The following KCNH8 variants were observed in gnomAD, a reference collection of about 807,000 sequenced individuals.
KCNH8 encodes the protein voltage-gated delayed rectifier potassium channel KCNH8.
In KCNH8, 70 loss-of-function variants were observed where a neutral mutation model predicts 103.6. The ratio of observed to expected loss-of-function variants is 0.68; its 90% CI spans 0.56 to 0.82. The LOEUF (loss-of-function observed/expected upper bound fraction) is 0.82. Ranked by LOEUF, KCNH8 falls within the 40% of genes least tolerant of loss-of-function variation. The probability of loss-of-function intolerance (pLI) is 0.00; values close to 1 mark genes in which losing one functional copy is unlikely to be tolerated. For synonymous variants in KCNH8, 498 were observed against 489.4 expected, an observed-to-expected ratio of 1.02 and a Z score of -0.23; for missense variants, 1,217 against 1,329.9, an observed-to-expected ratio of 0.92 and a Z score of 1.32.
At chr3:19,353,663 G>A (rs914284238) in intron 5 of KCNH8, among the ~76,000 whole-genome samples, 5 of 152,060 alleles carry the variant, frequency 3.3e-5, no homozygotes, top group Admixed American at 3.3e-4. Context: ...TGCAGAAAAG[G>A]CCTTCGACAA....
intron 5 of KCNH8, among the ~76,000 whole-genome samples, chr3:19,386,091 T>TA (rs908372314): frequency 6.6e-6 from 1 of 152,188 alleles, no homozygotes; most frequent in African/African-American, 2.4e-5. Context: ...TCTAGTTACA[T>TA]AGTTCTTGAG....
intron 7 of KCNH8, among the ~76,000 whole-genome samples, chr3:19,405,308 C>G (rs2066674954): frequency 6.6e-6 from 1 of 151,646 alleles, no homozygotes; most frequent in Admixed American, 6.6e-5. Flanking sequence ...GTTTCAGTCA[C>G]TACTGTATAA....
chr3:19,371,150 G>C (rs1404883051), intron 5 of KCNH8, among the ~76,000 whole-genome samples: 5 of 143,198 alleles, frequency 3.5e-5, no homozygotes, highest in Non-Finnish European at 7.7e-5. Context: ...GGGTCAAATG[G>C]TATTTCTAGT....
At chr3:19,338,566 A>T (rs753288785) in intron 3 of KCNH8, among the ~76,000 whole-genome samples, 18 of 152,214 alleles carry the variant, frequency 1.2e-4, no homozygotes, top group Non-Finnish European at 2.4e-4. Context: ...AATCCAGTTT[A>T]AGAAATACAG....
intron 11 of KCNH8, among the ~76,000 whole-genome samples, chr3:19,497,411 T>C (rs868532242): frequency 3.3e-5 from 5 of 152,314 alleles, no homozygotes; most frequent in Middle Eastern, 6.8e-3. Flanking sequence ...TAACACCGCC[T>C]TAGCTGTGTC....
intron 1 of KCNH8, among the ~76,000 whole-genome samples, chr3:19,181,612 A>G (rs905104160): frequency 1.3e-5 from 2 of 152,228 alleles, no homozygotes; most frequent in Non-Finnish European, 2.9e-5. Flanking sequence ...ATAGATGAAT[A>G]TCTATAAATT....
At chr3:19,413,472 A>G (rs779809008) in intron 7 of KCNH8, among the ~76,000 whole-genome samples, 20 of 152,162 alleles carry the variant, frequency 1.3e-4, no homozygotes, top group Admixed American at 6.6e-4. Context: ...TCATACCTCA[A>G]ACCTCGGAGT....
intron 1 of KCNH8, among the ~76,000 whole-genome samples, chr3:19,179,847 C>G (rs540860156): frequency 2.6e-5 from 4 of 152,084 alleles, no homozygotes; most frequent in African/African-American, 7.2e-5. Flanking sequence ...AAATGACATT[C>G]GTGGTGGTTT....
chr3:19,373,496 CTCT>C (rs2066137126), intron 5 of KCNH8, among the ~76,000 whole-genome samples: 1 of 152,082 alleles, frequency 6.6e-6, no homozygotes, highest in Non-Finnish European at 1.5e-5. Flanking sequence ...TTTGATTCTT[CTCT>C]TTTTTTCTTT....
chr3:19,176,427 CAG>C (rs1343645462), intron 1 of KCNH8, among the ~76,000 whole-genome samples: 2 of 152,002 alleles, frequency 1.3e-5, no homozygotes, highest in Non-Finnish European at 2.9e-5. Flanking sequence ...ATTACCGAGA[CAG>C]AAAGTGTTGG....
intron 11 of KCNH8, among the ~76,000 whole-genome samples, chr3:19,493,539 T>A (rs1417702160): frequency 1.3e-5 from 2 of 152,124 alleles, no homozygotes; most frequent in Admixed American, 1.3e-4. Flanking sequence ...GATTGTAGGT[T>A]TTCTGAGGCC....
intron 11 of KCNH8, among the ~76,000 whole-genome samples, chr3:19,465,688 T>C (rs1210396170): frequency 6.6e-6 from 1 of 150,862 alleles, no homozygotes; most frequent in Non-Finnish European, 1.5e-5. Flanking sequence ...GCATTCTAGA[T>C]GCCATTAAGA....
chr3:19,477,237 C>G (rs1293842471), intron 11 of KCNH8, among the ~76,000 whole-genome samples: 1 of 152,074 alleles, frequency 6.6e-6, no homozygotes, highest in Non-Finnish European at 1.5e-5. Context: ...ATAATCATCA[C>G]CCAGCTAAAT....
intron 3 of KCNH8, among the ~76,000 whole-genome samples, chr3:19,318,425 C>T (rs1041468635): frequency 6.6e-5 from 10 of 151,590 alleles, no homozygotes; most frequent in African/African-American, 2.2e-4. Flanking sequence ...ATCCTTCACC[C>T]CCACACCCTG....
intron 1 of KCNH8, among the ~76,000 whole-genome samples, chr3:19,234,174 C>G (rs2064030535): frequency 6.6e-6 from 1 of 152,210 alleles, no homozygotes; most frequent in Admixed American, 6.5e-5. Context: ...GCGCTAGACA[C>G]AAAGGTTCTC....
In KCNH8 at chr3:19,262,570, C is replaced by T. The variant is rs1206727829; in HGVS notation, c.310+8683C>T. ...TGGCTGTTAGGTAATGGGCTCATAG[C>T]ATTGCATATGGAATGTTCTTCACTT... On this transcript the variant is annotated intron_variant, in intron 2 of 15. Coordinates refer to ENST00000328405, the MANE Select transcript of KCNH8 (RefSeq NM_144633.3). Among the ~76,000 whole-genome samples, 8 of 152,106 alleles carry T rather than the reference C, an allele frequency of 5.3e-5. No individual in the cohort carries two copies. The South Asian group carries it at 1.7e-3, about 32-fold the overall frequency.
rs1170312203 is a variant in KCNH8, at chr3:19,201,231, C to CAAAAAAAAAAAAAAAAAAAAAAAAAAAA, written c.77-52419_77-52392dup. Reference sequence around the variant, plus strand: ...TGGGTGAAGTAGCAAGACTCTGCCTCAAAAAAAAAAAAAAAAAAAAAAAAA... The same window carrying CAAAAAAAAAAAAAAAAAAAAAAAAAAAA: ...TGGGTGAAGTAGCAAGACTCTGCCTCAAAAAAAAAAAAAAAAAAAAAAAAAAAAAAAAAAAAAAAAAAAAAAAAAAAAA... On this transcript the variant is annotated intron_variant, in intron 1 of 15. Coordinates refer to ENST00000328405, the MANE Select transcript of KCNH8 (RefSeq NM_144633.3). Among the ~76,000 whole-genome samples the CAAAAAAAAAAAAAAAAAAAAAAAAAAAA allele has an allele frequency of 1.4e-4, 3 of 22,054 alleles. 1 individual carries two copies. The highest frequency in any genetic ancestry group is 3.6e-4 in the African/African-American group (2 of 5,600). 14.5% of individuals were successfully genotyped at this position (22,054 alleles called of 152,430 possible).
chr3:19,506,866 A>C (rs1489318107), intron 11 of KCNH8, among the ~76,000 whole-genome samples: 1 of 152,052 alleles, frequency 6.6e-6, no homozygotes, highest in East Asian at 1.9e-4. Context: ...GGGAGGGTAC[A>C]TAGGTCACAG....
Position 19,510,353 on chromosome 3 carries a change from G to C in KCNH8, c.2041-10G>C. 6.4e-7 allele frequency: 1 copy of C among 1,551,656 alleles called. No individual in the cohort carries two copies. Among genetic ancestry groups the C allele is most frequent in the Non-Finnish European group, 8.9e-7 (1 of 1,123,372 alleles). On this transcript the variant is annotated splice_polypyrimidine_tract_variant and intron_variant, in intron 11 of 15. Coordinates refer to ENST00000328405, the MANE Select transcript of KCNH8 (RefSeq NM_144633.3). ...TGTAAAATGATTAATACTTCTGTTT[G>C]TTCTTTCAGGTGATATCAAGACTAT...
Sources: gnomAD v4.1 joint callset for allele counts (sites outside exome capture counted in the v4.1 genomes callset) on GRCh38, gnomAD v4.1.1 for gene constraint, MANE v1.5 for transcripts, NCBI Gene and HGNC (gene_info 2026-07-23, HGNC 2026-07-21) for gene names.